DOCK4: variants seen among roughly 807,000 people sequenced by gnomAD.
DOCK4 encodes the protein dedicator of cytokinesis protein 4.
In DOCK4, 97 loss-of-function variants were observed where a neutral mutation model predicts 268.1. The ratio of observed to expected loss-of-function variants is 0.36; its 90% CI spans 0.31 to 0.43. The LOEUF (loss-of-function observed/expected upper bound fraction) is 0.43, where lower values mean the gene tolerates loss of function less well. DOCK4 is among the 20% of genes least tolerant of loss of function. The pLI is 1.00. For synonymous variants in DOCK4, 954 were observed against 887.2 expected (o/e 1.08, Z -1.34); for missense variants, 2,145 against 2,455.7 (o/e 0.87, Z 2.67).
intron 36 of DOCK4, among the ~76,000 whole-genome samples, chr7:111,776,976 C>T (rs1043943530): frequency 4.6e-5 from 7 of 152,050 alleles, no homozygotes; most frequent in Admixed American, 1.3e-4. Flanking sequence ...GCCACCATGA[C>T]GGGCTAATTT....
rs1808691767 is a variant in DOCK4, at chr7:111,895,729, C to G, written c.1481-11G>C. On this transcript the variant is annotated splice_polypyrimidine_tract_variant and intron_variant, in intron 15 of 52. Coordinates refer to ENST00000428084, the MANE Select transcript of DOCK4 (RefSeq NM_001363540.2). ...CTCCTTTCTCCTTTGCTGTAAAAAA[C>G]AAATTACTTGCTTATTTAAGTGTAT... is the stretch of plus-strand genomic sequence containing the variant. 1 of 1,610,782 alleles carries G rather than the reference C, an allele frequency of 6.2e-7. No individual in the cohort carries two copies. The highest frequency in any genetic ancestry group is 1.7e-5 in the Admixed American group (1 of 59,930).
At chr7:111,922,276 C>G (rs760808000) in intron 12 of DOCK4, among the ~76,000 whole-genome samples, 2 of 152,026 alleles carry the variant, frequency 1.3e-5, no homozygotes, top group Non-Finnish European at 2.9e-5. Flanking sequence ...TTTTCCCCTT[C>G]TTTTTCATTT....
intron 16 of DOCK4, 46 bp from the exon 17 acceptor site, chr7:111,877,232 C>A: frequency 7.7e-7 from 1 of 1,294,358 alleles, no homozygotes; most frequent in Non-Finnish European, 1.0e-6. Context: ...GAAGAGATCT[C>A]ATAAGAATTA....
At chr7:111,926,756 C>T (rs1376861949) in intron 12 of DOCK4, among the ~76,000 whole-genome samples, 2 of 151,302 alleles carry the variant, frequency 1.3e-5, no homozygotes, top group Non-Finnish European at 2.9e-5. Context: ...ATCACTTGAA[C>T]CCGGGAGGCA....
At chr7:112,181,462 A>G (rs946107651) in intron 1 of DOCK4, among the ~76,000 whole-genome samples, 4 of 151,920 alleles carry the variant, frequency 2.6e-5, no homozygotes, top group African/African-American at 7.3e-5. Context: ...TCGGGACCAG[A>G]CTGGGAAACA....
chr7:111,986,108 T>C (rs1799033655), intron 6 of DOCK4, among the ~76,000 whole-genome samples: 1 of 152,124 alleles, frequency 6.6e-6, no homozygotes, highest in South Asian at 2.1e-4. Context: ...GCACCTGACC[T>C]AAGGACAAAT....
At chr7:112,035,075 G>A (rs778957275) in intron 1 of DOCK4, among the ~76,000 whole-genome samples, 1 of 152,108 alleles carries the variant, frequency 6.6e-6, no homozygotes, top group Admixed American at 6.6e-5. Flanking sequence ...ACCCCTAACT[G>A]TACTCCATTC....
At chr7:112,043,014 G>T (rs1025586613) in intron 1 of DOCK4, among the ~76,000 whole-genome samples, 1 of 152,092 alleles carries the variant, frequency 6.6e-6, no homozygotes, top group African/African-American at 2.4e-5. Flanking sequence ...GCAGCATGAG[G>T]CCCTCACCTG....
At chr7:111,980,582 C>T (rs772151589) in intron 7 of DOCK4, among the ~76,000 whole-genome samples, 8 of 152,306 alleles carry the variant, frequency 5.3e-5, no homozygotes, top group South Asian at 2.1e-4. Context: ...AACCTCAATG[C>T]TATTGACAAC....
chr7:112,102,617 C>T (rs891109828), intron 1 of DOCK4, among the ~76,000 whole-genome samples: 12 of 152,160 alleles, frequency 7.9e-5, no homozygotes, highest in Non-Finnish European at 1.3e-4. Context: ...CTTGCCCTTT[C>T]CAACATGTGA....
intron 26 of DOCK4, among the ~76,000 whole-genome samples, chr7:111,827,089 G>T (rs1802461554): frequency 6.6e-6 from 1 of 151,928 alleles, no homozygotes; most frequent in African/African-American, 2.4e-5. Context: ...CAGACCCTCA[G>T]ACTATACTCA....
chr7:112,096,871 G>A (rs924556586), intron 1 of DOCK4, among the ~76,000 whole-genome samples: 25 of 152,170 alleles, frequency 1.6e-4, no homozygotes, highest in African/African-American at 6.0e-4. Flanking sequence ...CAGTACTGGG[G>A]AACACAGAAC....
chr7:111,774,779 A>T (rs556134814), intron 36 of DOCK4, among the ~76,000 whole-genome samples: 1 of 152,338 alleles, frequency 6.6e-6, no homozygotes, highest in African/African-American at 2.4e-5. Context: ...ACAGAGTGAT[A>T]TCTAGGGAAG....
intron 7 of DOCK4, among the ~76,000 whole-genome samples, chr7:111,981,073 T>C (rs753101041): frequency 6.6e-6 from 1 of 152,254 alleles, no homozygotes; most frequent in Non-Finnish European, 1.5e-5. Context: ...GTGAGACTTT[T>C]TTTCTAATGA....
At chr7:111,923,330 T>C (rs1793317238) in intron 12 of DOCK4, among the ~76,000 whole-genome samples, 1 of 152,190 alleles carries the variant, frequency 6.6e-6, no homozygotes, top group Non-Finnish European at 1.5e-5. Flanking sequence ...CTGTAACAGT[T>C]TGGCAAGTAA....
At chr7:111,974,762 G>A (rs908814964) in intron 8 of DOCK4, among the ~76,000 whole-genome samples, 4 of 151,962 alleles carry the variant, frequency 2.6e-5, no homozygotes, top group Non-Finnish European at 4.4e-5. Context: ...GGCAGACCCT[G>A]TACCCGGGTT....
chr7:111,760,355 A>G (rs759143050), intron 39 of DOCK4, 33 bp from the exon 40 acceptor site: 5 of 1,600,722 alleles, frequency 3.1e-6, no homozygotes, highest in Non-Finnish European at 3.4e-6. Context: ...AATTAGGGCT[A>G]TATAACTGAG....
chr7:112,185,244 G>A (rs1476474529), intron 1 of DOCK4, among the ~76,000 whole-genome samples: 1 of 152,186 alleles, frequency 6.6e-6, no homozygotes, highest in Middle Eastern at 3.2e-3. Context: ...TGCCTGGCAG[G>A]AGCTCGTTTG....
chr7:112,115,365 T>C (rs1812038090), intron 1 of DOCK4, among the ~76,000 whole-genome samples: 1 of 152,234 alleles, frequency 6.6e-6, no homozygotes, highest in South Asian at 2.1e-4. Flanking sequence ...GATGTGCTAC[T>C]TCCTGAAAGA....
Sources: allele counts gnomAD v4.1 joint callset (sites outside exome capture counted in the v4.1 genomes callset), GRCh38; gene constraint gnomAD v4.1.1; transcripts MANE v1.5; gene names NCBI Gene and HGNC (gene_info 2026-07-23, HGNC 2026-07-21).